GTPBP3: variants seen among roughly 807,000 people sequenced by gnomAD.
The protein encoded by GTPBP3 is GTP binding protein 3, mitochondrial.
Under a neutral mutation model 42.0 loss-of-function variants are expected in GTPBP3, and 35 were observed. The ratio of observed to expected loss-of-function variants is 0.83; its 90% confidence interval spans 0.64 to 1.10. The LOEUF (loss-of-function observed/expected upper bound fraction) is 1.10, where lower values mean the gene tolerates loss of function less well. GTPBP3 is among the 50% of genes least tolerant of loss of function. GTPBP3 has a pLI of 0.00. For synonymous variants in GTPBP3, 332 were observed against 314.9 expected, an observed-to-expected ratio of 1.05 and a Z score of -0.58; for missense variants, 691 against 685.2, an observed-to-expected ratio of 1.01 and a Z score of -0.09.
chr19:17,341,466 TG>T lies in GTPBP3; in HGVS notation c.1254-11del. The T allele has an allele frequency of 6.2e-7, 1 of 1,602,512 alleles. No individual in the cohort carries two copies. The highest frequency in any genetic ancestry group is 1.7e-5 in the Admixed American group (1 of 59,302). On this transcript the variant is annotated splice_polypyrimidine_tract_variant and intron_variant, in intron 8 of 8. Coordinates refer to ENST00000324894, the MANE Select transcript of GTPBP3 (RefSeq NM_032620.4). ...AAAGGTCGGGAGAGACCATGTCTCT[TG>T]TCTCTTCCAGGTGTGGGGACCCGTC...
rs2074439299 is a variant in GTPBP3 at position 17,342,109 on chromosome 19, T to TC, written c.*410dup. 6.7e-6 allele frequency: 1 copy of TC among 148,554 alleles called. No homozygotes were observed. Among genetic ancestry groups the TC allele is most frequent in the Non-Finnish European group, 1.5e-5 (1 of 68,744 alleles). 9.2% of individuals were successfully genotyped at this position (148,554 alleles called of 1,614,324 possible). Reference sequence around the variant, plus strand: ...TTCCCTTTCCCCTTCCCCTTCCCCTTCCCCTTCCCCTACCCTTCCCTCCTC... The same window carrying TC: ...TTCCCTTTCCCCTTCCCCTTCCCCTTCCCCCTTCCCCTACCCTTCCCTCCTC... On this transcript the variant is annotated 3_prime_UTR_variant, in exon 9 of 9. Transcript: ENST00000324894.
In GTPBP3 at chr19:17,341,808, C is replaced by T; in HGVS notation, c.*105C>T. 9.9e-7 allele frequency: 1 copy of T among 1,008,560 alleles called. No homozygotes were observed. 62.5% of individuals were successfully genotyped at this position (1,008,560 alleles called of 1,614,324 possible). On this transcript the variant is annotated 3_prime_UTR_variant, in exon 9 of 9. Transcript: ENST00000324894. ...GGATTCTCATTCGCCTGGGAAAGAACTTGATTCTCAAATAGTGAAGCAACA... is the reference window on the plus strand; with the variant it reads ...GGATTCTCATTCGCCTGGGAAAGAATTTGATTCTCAAATAGTGAAGCAACA...
Position 17,338,185 on chromosome 19 carries a change from C to T in GTPBP3, c.231C>T (p.Ala77=). ...APRDLPLARH[A]SLRLLSDPRS... Reference sequence around the variant, plus strand: ...GAGACCTGCCCCTTGCTCGCCACGCCAGCCTGCGCCTGCTCAGCGATCCCC... The same window carrying T: ...GAGACCTGCCCCTTGCTCGCCACGCTAGCCTGCGCCTGCTCAGCGATCCCC... The change falls in exon 2 of 9, where the codon GCC becomes GCT. Residue 77 remains alanine, a synonymous_variant. Coordinates refer to ENST00000324894, the MANE Select transcript of GTPBP3 (RefSeq NM_032620.4). The T allele has an allele frequency of 6.3e-7, 1 of 1,589,866 alleles. No individual in the cohort carries two copies. Among genetic ancestry groups the T allele is most frequent in the Non-Finnish European group, 8.5e-7 (1 of 1,174,812 alleles).
In GTPBP3 at chr19:17,341,652, T is replaced by C. The variant is rs1429877490; in HGVS notation, c.1428T>C (p.Gly476=). 15 of 1,607,572 alleles carry C rather than the reference T, an allele frequency of 9.3e-6. No homozygotes were observed. Among genetic ancestry groups the C allele is most frequent in the Non-Finnish European group, 1.3e-5 (15 of 1,175,564 alleles). The change falls in exon 9 of 9, where the codon GGT becomes GGC. Residue 476 remains glycine (G), a synonymous_variant. Transcript: ENST00000324894. ...TGACCCGGCTCACAGGTGGAGGGGG[T>C]ACCGAGGAGATCCTGGACATCATCT... ...GHLTRLTGGG[G]TEEILDIIFQ...
intron 1 of GTPBP3, 29 bp from the exon 2 acceptor site, chr19:17,337,979 G>T (rs766196300): frequency 1.3e-6 from 2 of 1,593,460 alleles, no homozygotes; most frequent in East Asian, 4.5e-5. Context: ...CCTCCCAGGT[G>T]CGCTGATTCG....
In GTPBP3 at chr19:17,338,456, G is replaced by T. The variant is rs748022451; in HGVS notation, c.388+5G>T. ...GCGGCGTCCTGCAGGCCTTGGGTGA[G>T]TTGCAGCGTTGGGTGAGATGCTTGG... On this transcript the variant is annotated splice_donor_5th_base_variant and intron_variant, in intron 3 of 8. Coordinates refer to ENST00000324894, the MANE Select transcript of GTPBP3 (RefSeq NM_032620.4). The T allele has an allele frequency of 2.5e-6, 4 of 1,614,000 alleles. No homozygotes were observed. Among genetic ancestry groups the T allele is most frequent in the Non-Finnish European group, 2.5e-6 (3 of 1,179,952 alleles).
At position 17,338,514 on chromosome 19, in the gene GTPBP3, G is replaced by T. The variant is rs190556849; in HGVS notation, c.389-25G>T. The T allele has an allele frequency of 1.8e-4, 286 of 1,612,982 alleles. 1 individual carries two copies. The East Asian group carries it at 4.2e-3, about 24-fold the overall frequency. On this transcript the variant is annotated intron_variant, in intron 3 of 8. Transcript: ENST00000324894. ...AATGGGCCTGGGTGGGGACCAGGGGGTGTCAGACTGGGACCTTCCTGCAGG... is the reference window on the plus strand; with the variant it reads ...AATGGGCCTGGGTGGGGACCAGGGGTTGTCAGACTGGGACCTTCCTGCAGG...
upstream of GTPBP3, chr19:17,337,429 C>T (rs1268043782): frequency 5.8e-6 from 7 of 1,204,216 alleles, no homozygotes; most frequent in East Asian, 3.2e-5. Flanking sequence ...TCCCGCTCTC[C>T]CTTGCACCAG....
At chr19:17,337,807 G>A in intron 1 of GTPBP3, 143 bp downstream of exon 1, 1 of 1,235,768 alleles carries the variant, frequency 8.1e-7, no homozygotes. Context: ...GACCCTTGCG[G>A]CAGAGCCCAT....
intron 4 of GTPBP3, 88 bp downstream of exon 4, chr19:17,338,829 C>A (rs1025245193): frequency 1.3e-5 from 20 of 1,532,258 alleles, no homozygotes; most frequent in Non-Finnish European, 1.7e-5. Flanking sequence ...CGCATTCATT[C>A]CCTGCGTGAA....
Position 17,341,481 on chromosome 19 carries a change from T to G in GTPBP3, c.1257T>G (p.Cys419Trp). The G allele has an allele frequency of 6.2e-7, 1 of 1,608,632 alleles. No homozygotes were observed. The highest frequency in any genetic ancestry group is 2.2e-5 in the East Asian group (1 of 44,734). Residue 419 changes from cysteine to tryptophan, a missense_variant, in exon 9 of 9, where the codon TGT becomes TGG. Cys to Trp is a radical substitution (Grantham distance 215, BLOSUM62 -2). Coordinates refer to ENST00000324894, the MANE Select transcript of GTPBP3 (RefSeq NM_032620.4). ...CCATGTCTCTTGTCTCTTCCAGGTG[T>G]GGGGACCCGTCCACAGATCCCCCGC... ...EALRKELAAV[C>W]GDPSTDPPLL... is the part of the protein sequence containing the mutation.
chr19:17,337,951 C>T, intron 1 of GTPBP3, 57 bp from the exon 2 acceptor site: 2 of 1,583,750 alleles, frequency 1.3e-6, no homozygotes, highest in Middle Eastern at 2.1e-4. Flanking sequence ...CCTCGGTCTA[C>T]TTGACACTGA....
rs772697417 is a variant in GTPBP3 at position 17,339,223 on chromosome 19, T to C, written c.765T>C (p.Thr255=). 3 of 1,611,814 alleles carry C rather than the reference T, an allele frequency of 1.9e-6. No individual in the cohort carries two copies. In the East Asian group the frequency reaches 6.7e-5, roughly 36 times the overall value. ...GCTCAGGGGTGCACGTAGTGGTCAC[T>C]GGACCCCCCAATGCGGGCAAGAGCA... is the stretch of plus-strand genomic sequence containing the variant. ...RLRSGVHVVV[T]GPPNAGKSSL... The change falls in exon 6 of 9, where the codon ACT becomes ACC. Residue 255 remains threonine (T), a synonymous_variant. Transcript: ENST00000324894.
At position 17,337,600 on chromosome 19, in the gene GTPBP3, G is replaced by C; in HGVS notation, c.-12G>C. 1 of 1,317,844 alleles carries C rather than the reference G, an allele frequency of 7.6e-7. No individual in the cohort carries two copies. The highest frequency in any genetic ancestry group is 9.7e-7 in the Non-Finnish European group (1 of 1,027,720). 81.6% of individuals were successfully genotyped at this position (1,317,844 alleles called of 1,614,324 possible). A position where few individuals can be genotyped will look rare whatever the true frequency, so the allele number is the denominator to read the frequency against. On this transcript the variant is annotated 5_prime_UTR_variant, in exon 1 of 9. Transcript: ENST00000324894. ...AGGCAGGTCGGGCAGGCGGGTCGCAGGTTGTAAATCCATGTGGCGGGGGCT... is the reference window on the plus strand; with the variant it reads ...AGGCAGGTCGGGCAGGCGGGTCGCACGTTGTAAATCCATGTGGCGGGGGCT...
rs188860078 is a variant in GTPBP3 at position 17,341,632 on chromosome 19, C to G, written c.1408C>G (p.Arg470Gly). ...ALRVARGHLT[R>G]LTGGGGTEEI... is the part of the protein sequence containing the mutation. ...GCGGGTGGCCCGGGGTCACCTGACC[C>G]GGCTCACAGGTGGAGGGGGTACCGA... The change falls in exon 9 of 9, where the codon CGG (arginine) becomes GGG (glycine). Residue 470 changes from arginine to glycine, a missense_variant. Arg to Gly is a moderately radical substitution (Grantham distance 125). Transcript: ENST00000324894. 6.2e-7 allele frequency: 1 copy of G among 1,613,416 alleles called. No individual in the cohort carries two copies. The highest frequency in any genetic ancestry group is 2.2e-5 in the East Asian group (1 of 44,874).
chr19:17,341,881 G>A lies in GTPBP3; in HGVS notation c.*178G>A, dbSNP rs2145707694. On this transcript the variant is annotated 3_prime_UTR_variant, in exon 9 of 9. Transcript: ENST00000324894. ...CTGCAGGGACTCCCTGGAGATTCAG[G>A]CCCTGGAATGGGGCTGAATGGAGGT... 1 of 535,954 alleles carries A rather than the reference G, an allele frequency of 1.9e-6. No individual in the cohort carries two copies. Among genetic ancestry groups the A allele is most frequent in the East Asian group, 3.2e-5 (1 of 31,664 alleles). The allele number at this position is 535,954 out of a possible 1,614,324, so 33.2% of individuals were successfully genotyped here. A position where few individuals can be genotyped will look rare whatever the true frequency, so the allele number is the denominator to read the frequency against.
chr19:17,337,788 A>G (rs2074380904), intron 1 of GTPBP3, 124 bp downstream of exon 1: 4 of 1,279,476 alleles, frequency 3.1e-6, no homozygotes, highest in Non-Finnish European at 4.2e-6. Context: ...CCGTGCCTCA[A>G]TCGTTCATGA....
chr19:17,335,597 A>G (rs769347211), upstream of GTPBP3, among the ~76,000 whole-genome samples: 28 of 152,088 alleles, frequency 1.8e-4, no homozygotes, highest in African/African-American at 6.5e-4. Flanking sequence ...AAATGTTTCT[A>G]TGTCCTATGT....
intron 7 of GTPBP3, 188 bp from the exon 8 acceptor site, chr19:17,340,856 T>C: frequency 5.8e-6 from 2 of 342,904 alleles, no homozygotes; most frequent in Non-Finnish European, 5.5e-6. Context: ...CCTCTTGCTC[T>C]GCCCCACCCC....
Sources: gnomAD v4.1 joint callset for allele counts (sites outside exome capture counted in the v4.1 genomes callset) on GRCh38, gnomAD v4.1.1 for gene constraint, MANE v1.5 for transcripts, NCBI Gene and HGNC (gene_info 2026-07-23, HGNC 2026-07-21) for gene names.